Variants in TENM3 observed in about 807,000 individuals in gnomAD.
The protein encoded by TENM3 is teneurin-3.
Under a neutral mutation model 255.1 loss-of-function variants are expected in TENM3, and 63 were observed. The observed-to-expected ratio is 0.25, with a 90% confidence interval of 0.20 to 0.30. The LOEUF (loss-of-function observed/expected upper bound fraction) is 0.30. Among genes scored for constraint, TENM3 ranks in the 10% least tolerant of loss-of-function variants. The pLI is 1.00. For synonymous variants in TENM3, 1,306 were observed against 1,322.3 expected (o/e 0.99, Z 0.27); for missense variants, 2,929 against 3,461.1 (o/e 0.85, Z 3.86).
chr4:181,955,045 T>A, the TENM3 span, among the ~76,000 whole-genome samples: 6 of 152,314 alleles, frequency 3.9e-5, no homozygotes, highest in South Asian at 1.2e-3. Context: ...TTTCTTAAAT[T>A]GATATTTTTA....
At chr4:182,698,636 G>A (rs971429951) in intron 12 of TENM3, among the ~76,000 whole-genome samples, 2 of 152,214 alleles carry the variant, frequency 1.3e-5, no homozygotes, top group African/African-American at 4.8e-5. Context: ...CTCGGTTTCT[G>A]TCCCTTAGAA....
the TENM3 span, among the ~76,000 whole-genome samples, chr4:181,505,896 T>C: frequency 1.3e-5 from 2 of 152,198 alleles, no homozygotes; most frequent in Non-Finnish European, 2.9e-5. Flanking sequence ...ATAGAGGGCC[T>C]CACTTCCTTC....
chr4:181,923,284 G>T, the TENM3 span, among the ~76,000 whole-genome samples: 5 of 152,108 alleles, frequency 3.3e-5, no homozygotes, highest in East Asian at 9.7e-4. Context: ...AAATAAAAGA[G>T]ATGAGTGTGC....
chr4:182,754,257 G>T lies in TENM3; in HGVS notation c.4018-128G>T. On this transcript the variant is annotated intron_variant, in intron 21 of 27. Transcript: ENST00000511685. The surrounding 1 kb of genome is among the most constrained non-coding windows in gnomAD (Gnocchi z 5.1). ...TTTGGTTTATTTTACTGAGGCTATT[G>T]AAAAAACTATTATCAGACAGTTTAT... 1.0e-6 allele frequency: 1 copy of T among 980,030 alleles called. No individual in the cohort carries two copies. Among genetic ancestry groups the T allele is most frequent in the East Asian group, 2.7e-5 (1 of 37,488 alleles). 60.7% of individuals were successfully genotyped at this position (980,030 alleles called of 1,614,324 possible). A position where few individuals can be genotyped will look rare whatever the true frequency, so the allele number is the denominator to read the frequency against.
chr4:181,651,255 G>A, the TENM3 span, among the ~76,000 whole-genome samples: 4 of 152,194 alleles, frequency 2.6e-5, no homozygotes, highest in African/African-American at 4.8e-5. Context: ...AGCCTAAATA[G>A]GCATGTCATT....
intron 1 of TENM3, among the ~76,000 whole-genome samples, chr4:182,195,023 T>TCA (rs70954299): frequency 0.079 from 11,592 of 146,810 alleles, 483 homozygotes; most frequent in Middle Eastern, 0.16. Flanking sequence ...ACAGTCTCTA[T>TCA]CACACACACA....
intron 1 of TENM3, among the ~76,000 whole-genome samples, chr4:182,160,640 G>C (rs1365478679): frequency 6.6e-6 from 1 of 152,138 alleles, no homozygotes. Context: ...TAAAAAAGTC[G>C]AAATCATGGA....
At chr4:182,324,515 C>T (rs1763269536) in intron 2 of TENM3, among the ~76,000 whole-genome samples, 1 of 152,186 alleles carries the variant, frequency 6.6e-6, no homozygotes, top group South Asian at 2.1e-4. Flanking sequence ...TATGATTCTG[C>T]ACGTGGCCCA....
At chr4:181,644,218 C>T in the TENM3 span, among the ~76,000 whole-genome samples, 4 of 151,920 alleles carry the variant, frequency 2.6e-5, no homozygotes, top group African/African-American at 9.7e-5. Flanking sequence ...AGCAACTAGC[C>T]AGTGTTCCTT....
chr4:182,150,004 G>T (rs1186891168), intron 1 of TENM3, among the ~76,000 whole-genome samples: 2 of 151,928 alleles, frequency 1.3e-5, no homozygotes, highest in Non-Finnish European at 2.9e-5. Context: ...TAAAAGTCAT[G>T]GGATACAAAA....
the TENM3 span, among the ~76,000 whole-genome samples, chr4:181,651,335 C>T: frequency 6.6e-6 from 1 of 152,132 alleles, no homozygotes; most frequent in Non-Finnish European, 1.5e-5. Context: ...CACGGTGGCT[C>T]ACACCTGTAA....
chr4:181,725,232 T>C, the TENM3 span, among the ~76,000 whole-genome samples: 5 of 152,174 alleles, frequency 3.3e-5, no homozygotes, highest in Admixed American at 1.3e-4. Context: ...CTTTTCTCAC[T>C]CTTCCTATCC....
intron 1 of TENM3, among the ~76,000 whole-genome samples, chr4:182,312,911 T>C (rs1205645050): frequency 1.3e-5 from 2 of 152,240 alleles, no homozygotes; most frequent in Admixed American, 1.3e-4. Flanking sequence ...CCTGTAGTTA[T>C]TCCTCTGTTT....
chr4:181,724,504 T>G, the TENM3 span, among the ~76,000 whole-genome samples: 1 of 152,220 alleles, frequency 6.6e-6, no homozygotes, highest in Non-Finnish European at 1.5e-5. Context: ...CTCTTTGTTT[T>G]CTAAAGTAAC....
chr4:181,839,366 T>C, the TENM3 span, among the ~76,000 whole-genome samples: 6 of 66,926 alleles, frequency 9.0e-5, no homozygotes, highest in Non-Finnish European at 1.3e-4. Flanking sequence ...TATATATATA[T>C]ATATATATAT....
At chr4:181,884,007 T>C in the TENM3 span, among the ~76,000 whole-genome samples, 1 of 152,108 alleles carries the variant, frequency 6.6e-6, no homozygotes, top group African/African-American at 2.4e-5. Flanking sequence ...AGTAACAAGT[T>C]TTGATAAATA....
At chr4:182,766,040 C>A (rs73869824) in intron 22 of TENM3, among the ~76,000 whole-genome samples, 10,493 of 152,212 alleles carry the variant, frequency 0.069, 517 homozygotes, top group East Asian at 0.18. Flanking sequence ...AAATGTGCCA[C>A]CTACTTTTTA....
rs748510980 is a variant in TENM3, at chr4:182,800,145, G to A, written c.7894G>A (p.Ala2632Thr). The change falls in exon 28 of 28, where the codon GCC becomes ACC. Residue 2632 changes from alanine (A) to threonine (T), a missense_variant. Physicochemically the swap from Ala to Thr is moderately conservative, Grantham distance 58. Around this residue, in one of 6 missense-constraint regions of TENM3, gnomAD observed 476 missense variants for 480.1 expected, o/e 0.99. Coordinates refer to ENST00000511685, the MANE Select transcript of TENM3 (RefSeq NM_001080477.4). ...EQARQRALAR[A>T]WAREQQRVRD... ...GGCGCGGCAGCGCGCGCTCGCCCGG[G>A]CCTGGGCGCGCGAGCAGCAGCGCGT... 3.4e-6 allele frequency: 5 copies of A among 1,450,452 alleles called. No homozygotes were observed. The highest frequency in any genetic ancestry group is 3.0e-5 in the Admixed American group (1 of 33,246). 89.8% of individuals were successfully genotyped at this position (1,450,452 alleles called of 1,614,324 possible). A position where few individuals can be genotyped will look rare whatever the true frequency, so the allele number is the denominator to read the frequency against.
intron 5 of TENM3, among the ~76,000 whole-genome samples, chr4:182,643,394 T>C (rs922560606): frequency 6.6e-6 from 1 of 152,226 alleles, no homozygotes; most frequent in Non-Finnish European, 1.5e-5. Flanking sequence ...GGTATTCTAA[T>C]GTGTTGACAT....
Sources: gnomAD v4.1 joint callset for allele counts (sites outside exome capture counted in the v4.1 genomes callset) on GRCh38, gnomAD v4.1.1 for gene constraint, gnomAD v4.1.1 regional missense constraint, Gnocchi (gnomAD v3.1) non-coding constraint, MANE v1.5 for transcripts, NCBI Gene and HGNC (gene_info 2026-07-23, HGNC 2026-07-21) for gene names.